NR3C2: variants seen among roughly 807,000 people sequenced by gnomAD.
NR3C2 encodes nuclear receptor subfamily 3 group C member 2, also known as mineralocorticoid receptor.
Under a neutral mutation model 86.4 loss-of-function variants are expected in NR3C2, and 15 were observed. The ratio of observed to expected loss-of-function variants is 0.17; its 90% CI spans 0.12 to 0.27. NR3C2 has a LOEUF of 0.27. Among genes scored for constraint, NR3C2 ranks in the 10% least tolerant of loss-of-function variants. NR3C2 has a pLI of 1.00. For synonymous variants in NR3C2, 458 were observed against 450.5 expected, an observed-to-expected ratio of 1.02 and a Z score of -0.21; for missense variants, 960 against 1,195.6, an observed-to-expected ratio of 0.80 and a Z score of 2.91.
In NR3C2 at chr4:148,135,128, C is replaced by A. The variant is rs192649395; in HGVS notation, c.2511-14840G>T. ...GGCAGCCACTTGGCAGCAATGTTTT[C>A]TGCAACAAGGAAAAGGAACAGCAGT... is the stretch of plus-strand genomic sequence containing the variant. On this transcript the variant is annotated intron_variant, in intron 6 of 8. Transcript: ENST00000358102. 1.9e-3 allele frequency among the ~76,000 whole-genome samples: 288 copies of A among 152,264 alleles called. 1 individual carries two copies. Among genetic ancestry groups the A allele is most frequent in the African/African-American group, 6.7e-3 (277 of 41,558 alleles).
intron 6 of NR3C2, among the ~76,000 whole-genome samples, chr4:148,130,234 C>A (rs1163905034): frequency 6.6e-6 from 1 of 152,196 alleles, no homozygotes; most frequent in Non-Finnish European, 1.5e-5. Context: ...ACCTTTATCA[C>A]TCTTTTCTCT....
intron 2 of NR3C2, among the ~76,000 whole-genome samples, chr4:148,330,714 C>T (rs1048877937): frequency 1.3e-4 from 20 of 152,270 alleles, no homozygotes; most frequent in Admixed American, 1.1e-3. Flanking sequence ...GATTATCTGT[C>T]CCCTCCAAAT....
At chr4:148,098,375 C>T (rs1560920373) in intron 8 of NR3C2, among the ~76,000 whole-genome samples, 7 of 152,158 alleles carry the variant, frequency 4.6e-5, no homozygotes, top group Admixed American at 4.6e-4. Context: ...CCATAAGCCA[C>T]GTCATAGTTT....
intron 2 of NR3C2, among the ~76,000 whole-genome samples, chr4:148,341,529 A>G (rs1333054068): frequency 6.6e-6 from 1 of 152,150 alleles, no homozygotes; most frequent in Non-Finnish European, 1.5e-5. Flanking sequence ...AATAAGACCT[A>G]GTGTTTGAAA....
chr4:148,224,601 T>C (rs1738046936), intron 3 of NR3C2, among the ~76,000 whole-genome samples: 1 of 152,210 alleles, frequency 6.6e-6, no homozygotes, highest in Non-Finnish European at 1.5e-5. Context: ...TGTTTATGAA[T>C]TTCAGCAGAC....
At chr4:148,252,250 C>T (rs554308432) in intron 3 of NR3C2, among the ~76,000 whole-genome samples, 1 of 152,098 alleles carries the variant, frequency 6.6e-6, no homozygotes, top group South Asian at 2.1e-4. Context: ...AAGGATCATA[C>T]CTTTAAGTCT....
At chr4:148,124,411 T>C (rs1371908020) in intron 6 of NR3C2, among the ~76,000 whole-genome samples, 2 of 152,236 alleles carry the variant, frequency 1.3e-5, no homozygotes, top group East Asian at 3.8e-4. Flanking sequence ...TATTCAACTA[T>C]ACCTGGGCCT....
At chr4:148,288,481 G>A (rs1318431471) in intron 2 of NR3C2, among the ~76,000 whole-genome samples, 1 of 152,156 alleles carries the variant, frequency 6.6e-6, no homozygotes, top group East Asian at 1.9e-4. Flanking sequence ...ACAATGAAGA[G>A]TTTGGCTGGT....
At chr4:148,253,635 C>T (rs896972161) in intron 3 of NR3C2, among the ~76,000 whole-genome samples, 14 of 152,078 alleles carry the variant, frequency 9.2e-5, no homozygotes, top group African/African-American at 2.9e-4. Context: ...ATTAGATATC[C>T]AACTACCTCT....
At chr4:148,290,011 A>C (rs1741723360) in intron 2 of NR3C2, among the ~76,000 whole-genome samples, 1 of 152,134 alleles carries the variant, frequency 6.6e-6, no homozygotes. Context: ...GACTCCATGT[A>C]AATTTCCTAG....
At chr4:148,357,762 T>G (rs1670105461) in intron 2 of NR3C2, among the ~76,000 whole-genome samples, 1 of 152,210 alleles carries the variant, frequency 6.6e-6, no homozygotes, top group Non-Finnish European at 1.5e-5. Context: ...TATCTTTTCC[T>G]TTTGACATTT....
At chr4:148,363,506 CT>C (rs58978966) in intron 2 of NR3C2, among the ~76,000 whole-genome samples, 2 of 110,774 alleles carry the variant, frequency 1.8e-5, no homozygotes, top group African/African-American at 6.9e-5. Context: ...TCATAGATCT[CT>C]TTTTTTTTTT....
chr4:148,427,153 C>A (rs1366767079), intron 2 of NR3C2, among the ~76,000 whole-genome samples: 1 of 151,942 alleles, frequency 6.6e-6, no homozygotes, highest in East Asian at 1.9e-4. Flanking sequence ...TGGGGTTTCA[C>A]CATGTTGGCC....
chr4:148,169,542 A>G (rs995244608), intron 4 of NR3C2, among the ~76,000 whole-genome samples: 6 of 151,396 alleles, frequency 4.0e-5, no homozygotes. Context: ...AAATATATAT[A>G]TATTCATCTC....
At chr4:148,107,834 C>T (rs776790191) in intron 8 of NR3C2, among the ~76,000 whole-genome samples, 8 of 151,914 alleles carry the variant, frequency 5.3e-5, no homozygotes, top group Non-Finnish European at 8.8e-5. Flanking sequence ...CAACACAAAC[C>T]GGGGCCTATT....
At chr4:148,341,766 C>G (rs1744759694) in intron 2 of NR3C2, among the ~76,000 whole-genome samples, 1 of 152,072 alleles carries the variant, frequency 6.6e-6, no homozygotes, top group Admixed American at 6.6e-5. Context: ...AACAAACAAA[C>G]ATAAGCAGCA....
chr4:148,166,802 G>A (rs964794004), intron 4 of NR3C2, among the ~76,000 whole-genome samples: 2 of 151,280 alleles, frequency 1.3e-5, no homozygotes, highest in African/African-American at 2.4e-5. Flanking sequence ...ACAGTCAGCC[G>A]TTATCCATCA....
rs78078498 is a variant in NR3C2, at chr4:148,383,908, AC to A, written c.1757+51195del. Among the ~76,000 whole-genome samples the A allele has an allele frequency of 1.3e-3, 192 of 149,748 alleles. 6 individuals carry two copies. In the East Asian group the frequency reaches 0.033, roughly 26 times the overall value. On this transcript the variant is annotated intron_variant, in intron 2 of 8. Coordinates refer to ENST00000358102, the MANE Select transcript of NR3C2 (RefSeq NM_000901.5). ...GGTTGCAGTGAGCTGAGATGGTGCC[AC>A]TGCACTCCAGCCTACAGGGCACAGC...
intron 2 of NR3C2, among the ~76,000 whole-genome samples, chr4:148,354,100 T>C (rs1439636373): frequency 1.3e-5 from 2 of 152,106 alleles, no homozygotes; most frequent in African/African-American, 4.8e-5. Context: ...AATTCACCTC[T>C]GCCACCCCTG....
Sources: gnomAD v4.1 joint callset for allele counts (sites outside exome capture counted in the v4.1 genomes callset) on GRCh38, gnomAD v4.1.1 for gene constraint, MANE v1.5 for transcripts, NCBI Gene and HGNC (gene_info 2026-07-23, HGNC 2026-07-21) for gene names.